MGAT4C: variants seen among roughly 807,000 people sequenced by gnomAD.
MGAT4C encodes alpha-1,3-mannosyl-glycoprotein 4-beta-N-acetylglucosaminyltransferase C.
A neutral mutation model predicts 40.1 loss-of-function variants in MGAT4C; 19 were observed. The observed-to-expected ratio is 0.47, with a 90% CI of 0.33 to 0.70. The LOEUF (loss-of-function observed/expected upper bound fraction) is 0.70, where lower values mean the gene tolerates loss of function less well. Among genes scored for constraint, MGAT4C ranks in the 30% least tolerant of loss-of-function variants. The pLI, the probability that MGAT4C is intolerant of heterozygous loss-of-function variation, is 0.02. For synonymous variants in MGAT4C, 181 were observed against 187.1 expected (o/e 0.97, Z 0.27); for missense variants, 491 against 563.2 (o/e 0.87, Z 1.30).
intron 1 of MGAT4C, among the ~76,000 whole-genome samples, chr12:86,779,997 C>A (rs1472039692): frequency 1.3e-5 from 2 of 151,552 alleles, no homozygotes; most frequent in Non-Finnish European, 2.9e-5. Context: ...TGAAGGTTGG[C>A]CAAAATTAAT....
chr12:86,347,161 A>G (rs568916264), intron 3 of MGAT4C, among the ~76,000 whole-genome samples: 1 of 152,266 alleles, frequency 6.6e-6, no homozygotes, highest in East Asian at 1.9e-4. Flanking sequence ...CGTCTGAGTC[A>G]ATTCTCCATA....
intron 1 of MGAT4C, among the ~76,000 whole-genome samples, chr12:86,129,763 T>G (rs1406490416): frequency 5.3e-5 from 1 of 18,862 alleles, no homozygotes; most frequent in Non-Finnish European, 8.1e-5. Context: ...GTTTCACCGT[T>G]TTAGCCGGGA....
chr12:86,798,919 A>G (rs796536922), intron 1 of MGAT4C, among the ~76,000 whole-genome samples: 1 of 152,006 alleles, frequency 6.6e-6, no homozygotes, highest in Admixed American at 6.6e-5. Context: ...CATGTCTTAA[A>G]AAATAAGTTT....
chr12:86,294,706 T>C (rs1321648988), intron 4 of MGAT4C, among the ~76,000 whole-genome samples: 1 of 152,184 alleles, frequency 6.6e-6, no homozygotes, highest in Non-Finnish European at 1.5e-5. Context: ...ATACTTTTAG[T>C]TTCCCAGTTG....
intron 1 of MGAT4C, among the ~76,000 whole-genome samples, chr12:86,733,740 G>A (rs879443182): frequency 2.0e-5 from 3 of 151,984 alleles, no homozygotes; most frequent in Non-Finnish European, 4.4e-5. Context: ...GGAAGAAGGG[G>A]GGGAGACAAT....
chr12:86,759,728 T>A (rs1490966821), intron 1 of MGAT4C, among the ~76,000 whole-genome samples: 1 of 152,154 alleles, frequency 6.6e-6, no homozygotes, highest in South Asian at 2.1e-4. Context: ...AAGAAACAGG[T>A]TTTTTTGTAT....
intron 2 of MGAT4C, among the ~76,000 whole-genome samples, chr12:86,588,313 T>C (rs1321934898): frequency 6.6e-6 from 1 of 152,010 alleles, no homozygotes; most frequent in Non-Finnish European, 1.5e-5. Flanking sequence ...AGAAGGCCAT[T>C]ACATAATGGT....
At chr12:85,994,930 T>C (rs1886438056) in intron 2 of MGAT4C, among the ~76,000 whole-genome samples, 1 of 152,130 alleles carries the variant, frequency 6.6e-6, no homozygotes, top group Admixed American at 6.6e-5. Flanking sequence ...AAATTAATGA[T>C]GAAATGGTAA....
chr12:86,646,973 G>T (rs1963557686), intron 2 of MGAT4C, among the ~76,000 whole-genome samples: 1 of 151,902 alleles, frequency 6.6e-6, no homozygotes, highest in African/African-American at 2.4e-5. Context: ...CACAGCAGAG[G>T]CTTTCAAAGT....
At chr12:86,763,076 C>G (rs1362674175) in intron 1 of MGAT4C, among the ~76,000 whole-genome samples, 1 of 152,124 alleles carries the variant, frequency 6.6e-6, no homozygotes, top group African/African-American at 2.4e-5. Context: ...GGCTTTGTCA[C>G]TGGTGTAGAA....
At chr12:86,508,370 C>T (rs1474892476) in intron 2 of MGAT4C, among the ~76,000 whole-genome samples, 3 of 152,096 alleles carry the variant, frequency 2.0e-5, no homozygotes, top group African/African-American at 7.2e-5. Context: ...CATCCATGTC[C>T]CTACAAAGGA....
intron 2 of MGAT4C, among the ~76,000 whole-genome samples, chr12:86,538,177 T>C (rs1959106298): frequency 1.3e-5 from 2 of 152,340 alleles, no homozygotes; most frequent in East Asian, 1.9e-4. Flanking sequence ...GAGTCTGAGA[T>C]GAGAAGGCAC....
intron 2 of MGAT4C, among the ~76,000 whole-genome samples, chr12:86,508,590 G>C (rs1356296704): frequency 6.6e-6 from 1 of 151,438 alleles, no homozygotes; most frequent in Non-Finnish European, 1.5e-5. Context: ...GGGATGGCTG[G>C]GTCAAATGGT....
intron 1 of MGAT4C, among the ~76,000 whole-genome samples, chr12:86,786,780 A>T (rs1951938096): frequency 6.6e-6 from 1 of 152,184 alleles, no homozygotes; most frequent in Non-Finnish European, 1.5e-5. Flanking sequence ...GTTCACATAC[A>T]GCTGAGCTTA....
chr12:86,455,302 A>C (rs1957491305), intron 2 of MGAT4C, among the ~76,000 whole-genome samples: 1 of 152,140 alleles, frequency 6.6e-6, no homozygotes, highest in African/African-American at 2.4e-5. Flanking sequence ...TGTATATACT[A>C]ATAAATTAAT....
At chr12:86,319,077 T>A (rs1314571141) in intron 4 of MGAT4C, among the ~76,000 whole-genome samples, 1 of 152,134 alleles carries the variant, frequency 6.6e-6, no homozygotes, top group African/African-American at 2.4e-5. Context: ...AGGGAAAATG[T>A]TTCCTGTGAG....
At chr12:86,322,306 G>A (rs561887558) in intron 4 of MGAT4C, among the ~76,000 whole-genome samples, 1 of 151,626 alleles carries the variant, frequency 6.6e-6, no homozygotes, top group South Asian at 2.1e-4. Context: ...CCACCAACAT[G>A]GCACATGTAT....
chr12:86,610,042 T>A (rs1042733746), intron 2 of MGAT4C, among the ~76,000 whole-genome samples: 1 of 152,190 alleles, frequency 6.6e-6, no homozygotes, highest in Non-Finnish European at 1.5e-5. Context: ...GAAGCTTTGC[T>A]AAAAATTTTT....
At chr12:85,983,301 C>T (rs1884830245) in intron 4 of MGAT4C, among the ~76,000 whole-genome samples, 1 of 152,120 alleles carries the variant, frequency 6.6e-6, no homozygotes, top group Non-Finnish European at 1.5e-5. Flanking sequence ...TCTCAAGAGA[C>T]TCACATTACG....
Sources: allele counts gnomAD v4.1 joint callset (sites outside exome capture counted in the v4.1 genomes callset), GRCh38; gene constraint gnomAD v4.1.1; transcripts MANE v1.5; gene names NCBI Gene and HGNC (gene_info 2026-07-23, HGNC 2026-07-21).